WIPI2: variants seen among roughly 807,000 people sequenced by gnomAD.
The protein encoded by WIPI2 is WD repeat domain phosphoinositide-interacting protein 2.
Under a neutral mutation model 52.3 loss-of-function variants are expected in WIPI2, and 28 were observed. The observed-to-expected ratio is 0.54, with a 90% confidence interval of 0.40 to 0.73. The LOEUF (loss-of-function observed/expected upper bound fraction) is 0.73, where lower values mean the gene tolerates loss of function less well. Among genes scored for constraint, WIPI2 ranks in the 30% least tolerant of loss-of-function variants. The probability of loss-of-function intolerance (pLI) is 0.00; values close to 1 mark genes in which losing one functional copy is unlikely to be tolerated. For missense variants in WIPI2, 506 were observed against 602.9 expected, an observed-to-expected ratio of 0.84 and a Z score of 1.68; for synonymous variants, 268 against 245.0, an observed-to-expected ratio of 1.09 and a Z score of -0.88.
chr7:5,216,628 T>C lies in WIPI2; in HGVS notation c.447T>C (p.His149=), dbSNP rs1223826429. ...ACATTCGGGACATGAAGGTGCTGCA[T>C]ACGATCAGGGAGACGCCTCCAAACC... is the stretch of plus-strand genomic sequence containing the variant. ...IHNIRDMKVL[H]TIRETPPNPA... is the part of the protein sequence containing the mutation. The change falls in exon 5 of 13, where the codon CAT becomes CAC. Residue 149 remains histidine, a synonymous_variant. Coordinates refer to ENST00000288828, the MANE Select transcript of WIPI2 (RefSeq NM_015610.4). The C allele has an allele frequency of 6.2e-7, 1 of 1,614,064 alleles. No individual in the cohort carries two copies. The highest frequency in any genetic ancestry group is 1.3e-5 in the African/African-American group (1 of 74,922).
intron 2 of WIPI2, 34 bp from the exon 3 acceptor site, chr7:5,199,542 T>A: frequency 6.3e-7 from 1 of 1,583,476 alleles, no homozygotes; most frequent in Non-Finnish European, 8.6e-7. Context: ...TCTGCACGTA[T>A]CAGCTCTTAT....
At chr7:5,226,945 A>G (rs1783464012) in intron 9 of WIPI2, 1 of 541,988 alleles carries the variant, frequency 1.8e-6, no homozygotes, top group South Asian at 2.4e-5. Flanking sequence ...GTCCGTGGCC[A>G]AAGGCTGTAG....
chr7:5,217,593 G>A (rs1261038724), intron 6 of WIPI2: 2 of 420,534 alleles, frequency 4.8e-6, no homozygotes, highest in African/African-American at 4.0e-5. Flanking sequence ...CCCGCGCCCA[G>A]CCCCACTGCT....
intron 10 of WIPI2, 29 bp from the exon 11 acceptor site, chr7:5,228,075 A>G (rs1306080644): frequency 1.2e-6 from 2 of 1,608,598 alleles, no homozygotes; most frequent in African/African-American, 1.3e-5. Context: ...ACAGTTGTCT[A>G]GAATTTGGCT....
intron 3 of WIPI2, among the ~76,000 whole-genome samples, chr7:5,208,072 C>G (rs906534480): frequency 6.6e-6 from 1 of 152,138 alleles, no homozygotes; most frequent in Non-Finnish European, 1.5e-5. Context: ...AGCCTCCTCA[C>G]CAACTTTTGA....
chr7:5,208,130 T>A (rs958769918), intron 3 of WIPI2, among the ~76,000 whole-genome samples: 1 of 152,254 alleles, frequency 6.6e-6, no homozygotes, highest in African/African-American at 2.4e-5. Flanking sequence ...TGTATAATGA[T>A]AACTTCATGG....
intron 7 of WIPI2, among the ~76,000 whole-genome samples, chr7:5,222,144 T>A (rs978888179): frequency 5.3e-5 from 8 of 152,124 alleles, no homozygotes; most frequent in African/African-American, 1.7e-4. Context: ...AGACACAGTT[T>A]CTCCATGTTG....
intron 1 of WIPI2, 121 bp downstream of exon 1, chr7:5,190,614 C>T (rs891676759): frequency 5.2e-5 from 53 of 1,019,624 alleles, no homozygotes; most frequent in South Asian, 5.6e-5. Context: ...GGCCAAGGCG[C>T]GCAGAGGCGT....
intron 7 of WIPI2, among the ~76,000 whole-genome samples, chr7:5,219,222 G>GC (rs148393320): frequency 0.085 from 13,006 of 152,238 alleles, 726 homozygotes; most frequent in Middle Eastern, 0.13. Context: ...TAAGCGGTGT[G>GC]CCCGGGGCCG....
intron 8 of WIPI2, 90 bp downstream of exon 8, chr7:5,222,762 A>G: frequency 7.9e-7 from 1 of 1,267,134 alleles, no homozygotes; most frequent in East Asian, 2.3e-5. Flanking sequence ...TAGAACCCCC[A>G]GGAGAATTCC....
intron 2 of WIPI2, among the ~76,000 whole-genome samples, chr7:5,198,731 C>G (rs1781873679): frequency 6.6e-6 from 1 of 152,200 alleles, no homozygotes. Flanking sequence ...ATATCCCAAA[C>G]TTAAAGTTTT....
intron 3 of WIPI2, among the ~76,000 whole-genome samples, chr7:5,207,253 C>A (rs1367990889): frequency 1.3e-5 from 2 of 152,178 alleles, no homozygotes; most frequent in East Asian, 3.8e-4. Flanking sequence ...TCTCTGTGAA[C>A]TGAAACCCTA....
At chr7:5,201,904 A>G (rs1782046527) in intron 3 of WIPI2, among the ~76,000 whole-genome samples, 1 of 152,042 alleles carries the variant, frequency 6.6e-6, no homozygotes, top group Admixed American at 6.5e-5. Context: ...GATCTATTAC[A>G]TTGTTCTATT....
intron 3 of WIPI2, among the ~76,000 whole-genome samples, chr7:5,210,054 C>T (rs769811713): frequency 1.4e-5 from 2 of 142,906 alleles, no homozygotes; most frequent in Non-Finnish European, 3.1e-5. Flanking sequence ...ATTACAGGCG[C>T]CCACCGCGAT....
intron 2 of WIPI2, among the ~76,000 whole-genome samples, chr7:5,196,784 G>A (rs1033641704): frequency 1.3e-5 from 2 of 151,924 alleles, no homozygotes; most frequent in African/African-American, 4.8e-5. Context: ...GACAACTGTC[G>A]GCAAAACAAG....
At chr7:5,203,246 G>A (rs982359602) in intron 3 of WIPI2, among the ~76,000 whole-genome samples, 20 of 152,190 alleles carry the variant, frequency 1.3e-4, no homozygotes, top group African/African-American at 4.8e-4. Context: ...ATTTCAGTGA[G>A]ATTTATAGTA....
intron 2 of WIPI2, among the ~76,000 whole-genome samples, chr7:5,196,371 T>C (rs1173757015): frequency 6.6e-6 from 1 of 152,162 alleles, no homozygotes; most frequent in African/African-American, 2.4e-5. Flanking sequence ...AACCAACTTA[T>C]CTTTACTGAT....
chr7:5,190,549 A>AG, intron 1 of WIPI2, 56 bp downstream of exon 1: 1 of 1,371,996 alleles, frequency 7.3e-7, no homozygotes, highest in Non-Finnish European at 9.6e-7. Context: ...GACCCGGGCT[A>AG]GGGGGAGGGC....
At chr7:5,211,379 G>A (rs1378399641) in intron 3 of WIPI2, among the ~76,000 whole-genome samples, 1 of 152,214 alleles carries the variant, frequency 6.6e-6, no homozygotes, top group Admixed American at 6.5e-5. Context: ...GGCTGAGGCA[G>A]GAGAATTGCT....
Sources: gnomAD v4.1 joint callset for allele counts (sites outside exome capture counted in the v4.1 genomes callset) on GRCh38, gnomAD v4.1.1 for gene constraint, MANE v1.5 for transcripts, NCBI Gene and HGNC (gene_info 2026-07-23, HGNC 2026-07-21) for gene names.